The following LARGE1 variants were observed in gnomAD, a reference collection of about 807,000 sequenced individuals.
The protein encoded by LARGE1 is LARGE xylosyl- and glucuronyltransferase 1.
Under a neutral mutation model 87.6 loss-of-function variants are expected in LARGE1, and 43 were observed. The observed-to-expected ratio is 0.49, with a 90% CI of 0.38 to 0.63. The LOEUF is 0.63. Ranked by LOEUF, LARGE1 falls within the 30% of genes least tolerant of loss-of-function variation. LARGE1 has a pLI of 0.00. For missense variants in LARGE1, 802 were observed against 1,000.2 expected (o/e 0.80, Z 2.67); for synonymous variants, 434 against 394.6 (o/e 1.10, Z -1.18).
intron 1 of LARGE1, among the ~76,000 whole-genome samples, chr22:33,852,300 TC>T (rs1021952520): frequency 6.6e-6 from 1 of 151,974 alleles, no homozygotes; most frequent in Non-Finnish European, 1.5e-5. Flanking sequence ...AAACCGATGC[TC>T]CCAGATGAAG....
chr22:33,115,792 G>A, the LARGE1 span, among the ~76,000 whole-genome samples: 2 of 144,752 alleles, frequency 1.4e-5, no homozygotes, highest in Non-Finnish European at 3.0e-5. Flanking sequence ...ACTCCAGCCT[G>A]GCAACAGAGC....
At chr22:33,800,694 T>C (rs1440632748) in intron 1 of LARGE1, among the ~76,000 whole-genome samples, 1 of 152,218 alleles carries the variant, frequency 6.6e-6, no homozygotes, top group Non-Finnish European at 1.5e-5. Context: ...TAATAGCCTT[T>C]AGCCCCATCT....
At chr22:33,183,830 C>T (rs562409095) in intron 11 of LARGE1, among the ~76,000 whole-genome samples, 6 of 151,912 alleles carry the variant, frequency 3.9e-5, no homozygotes, top group South Asian at 4.2e-4. Flanking sequence ...GAGAGTAGAA[C>T]GGTGGTTGTC....
chr22:33,673,423 A>G (rs1161004987), intron 2 of LARGE1, among the ~76,000 whole-genome samples: 1 of 151,642 alleles, frequency 6.6e-6, no homozygotes, highest in Non-Finnish European at 1.5e-5. Flanking sequence ...TCCACCCACA[A>G]CTCCACATCC....
Position 33,304,245 on chromosome 22 carries a change from G to A in LARGE1, c.1714C>T (p.Leu572Phe). ...SDIDFLPMYG[L>F]YEYLRKSVIQ... ...GGTCCTTACCTGAGGTACTCATAGAGCCCATACATGGGCAGGAAGTCAATG... is the reference window on the plus strand; with the variant it reads ...GGTCCTTACCTGAGGTACTCATAGAACCCATACATGGGCAGGAAGTCAATG... Residue 572 changes from leucine (L) to phenylalanine (F), a missense_variant, in exon 12 of 15, where the codon CTC (leucine) becomes TTC (phenylalanine). By Grantham distance (22) the Leu-to-Phe change is conservative. Around this residue, in one of 2 missense-constraint regions of LARGE1, gnomAD observed 625 missense variants for 841.9 expected, o/e 0.74. Coordinates refer to ENST00000397394, the MANE Select transcript of LARGE1 (RefSeq NM_133642.5). 6.2e-7 allele frequency: 1 copy of A among 1,614,232 alleles called. No individual in the cohort carries two copies. The highest frequency in any genetic ancestry group is 8.5e-7 in the Non-Finnish European group (1 of 1,180,050).
intron 3 of LARGE1, among the ~76,000 whole-genome samples, chr22:33,636,684 T>C (rs113098936): frequency 0.01 from 1,557 of 152,216 alleles, 13 homozygotes; most frequent in Middle Eastern, 0.037. Flanking sequence ...TTCTCCACCA[T>C]GCCCAGCTAA....
chr22:33,448,569 C>T (rs1475425541), intron 6 of LARGE1, among the ~76,000 whole-genome samples: 1 of 152,134 alleles, frequency 6.6e-6, no homozygotes, highest in Admixed American at 6.5e-5. Context: ...TCTTGCTTGT[C>T]CCCTCTGGGC....
chr22:33,778,607 A>G (rs1266988341), intron 1 of LARGE1, among the ~76,000 whole-genome samples: 1 of 151,494 alleles, frequency 6.6e-6, no homozygotes, highest in Non-Finnish European at 1.5e-5. Flanking sequence ...CTCACTCAGC[A>G]CCATGTACCC....
At chr22:33,641,451 AC>A (rs1181855566) in intron 3 of LARGE1, among the ~76,000 whole-genome samples, 6 of 152,194 alleles carry the variant, frequency 3.9e-5, no homozygotes, top group Non-Finnish European at 8.8e-5. Context: ...GCTGAAAATA[AC>A]AAAAACCAGA....
chr22:33,436,888 C>T (rs1033308620), intron 6 of LARGE1, among the ~76,000 whole-genome samples: 1 of 151,718 alleles, frequency 6.6e-6, no homozygotes, highest in Non-Finnish European at 1.5e-5. Context: ...TAGGAAGAGC[C>T]ATTGTAGATA....
At chr22:33,370,940 A>T (rs960045021) in intron 9 of LARGE1, among the ~76,000 whole-genome samples, 2 of 150,158 alleles carry the variant, frequency 1.3e-5, no homozygotes, top group African/African-American at 4.9e-5. Flanking sequence ...TGAATAATAC[A>T]TATAACATTT....
At chr22:33,395,606 T>C (rs1250661318) in intron 7 of LARGE1, among the ~76,000 whole-genome samples, 2 of 152,320 alleles carry the variant, frequency 1.3e-5, no homozygotes, top group South Asian at 2.1e-4. Flanking sequence ...TTTCATTCTT[T>C]AGGCTAGCTA....
intron 1 of LARGE1, among the ~76,000 whole-genome samples, chr22:33,781,121 C>T (rs650191): frequency 0.024 from 3,648 of 152,280 alleles, 132 homozygotes; most frequent in African/African-American, 0.083. Context: ...TTAGTTTGGA[C>T]GTTTTTCATT....
At chr22:33,210,419 G>A (rs1021184078) in intron 11 of LARGE1, among the ~76,000 whole-genome samples, 24 of 152,352 alleles carry the variant, frequency 1.6e-4, no homozygotes, top group African/African-American at 4.8e-4. Context: ...TCTGTGTGCC[G>A]CCTGGGATTG....
chr22:33,877,830 A>G (rs1389907117), intron 1 of LARGE1, among the ~76,000 whole-genome samples: 1 of 151,838 alleles, frequency 6.6e-6, no homozygotes, highest in Non-Finnish European at 1.5e-5. Context: ...GCTGAGGCAC[A>G]AGAATCGCTT....
chr22:33,489,070 T>C (rs1353531809), intron 6 of LARGE1, among the ~76,000 whole-genome samples: 1 of 152,220 alleles, frequency 6.6e-6, no homozygotes. Context: ...GTTTATTAAG[T>C]GCTTCCATGT....
chr22:33,691,491 C>T (rs2082099022), intron 2 of LARGE1, among the ~76,000 whole-genome samples: 4 of 152,120 alleles, frequency 2.6e-5, no homozygotes, highest in Non-Finnish European at 5.9e-5. Context: ...ATATTGACTG[C>T]ACAGTAAGAA....
chr22:33,313,185 C>A (rs148045632), intron 11 of LARGE1, among the ~76,000 whole-genome samples: 2 of 152,112 alleles, frequency 1.3e-5, no homozygotes, highest in Non-Finnish European at 2.9e-5. Flanking sequence ...CTATTGTGTT[C>A]CCCACTGGCC....
chr22:33,749,714 T>G (rs757175852), intron 2 of LARGE1, among the ~76,000 whole-genome samples: 2 of 152,186 alleles, frequency 1.3e-5, no homozygotes, highest in Non-Finnish European at 2.9e-5. Flanking sequence ...TTAACTGAAT[T>G]TTTTCGTTAT....
Sources: allele counts gnomAD v4.1 joint callset (sites outside exome capture counted in the v4.1 genomes callset), GRCh38; gene constraint gnomAD v4.1.1; regional missense constraint gnomAD v4.1.1; transcripts MANE v1.5; gene names NCBI Gene and HGNC (gene_info 2026-07-23, HGNC 2026-07-21).